Variants in CDH13 observed in about 807,000 individuals in gnomAD.
The protein encoded by CDH13 is cadherin-13.
CDH13 carries 24 observed loss-of-function variants against 63.8 expected under a neutral mutation model. The observed-to-expected ratio is 0.38, with a 90% confidence interval of 0.27 to 0.53. CDH13 has a LOEUF of 0.53. Among genes scored for constraint, CDH13 ranks in the 20% least tolerant of loss-of-function variants. The pLI is 0.85. For synonymous variants in CDH13, 503 were observed against 355.3 expected, an observed-to-expected ratio of 1.42 and a Z score of -4.67; for missense variants, 1,049 against 903.1, an observed-to-expected ratio of 1.16 and a Z score of -2.07.
At chr16:83,330,809 C>T (rs1453435433) in intron 5 of CDH13, among the ~76,000 whole-genome samples, 1 of 152,176 alleles carries the variant, frequency 6.6e-6, no homozygotes, top group East Asian at 1.9e-4. Flanking sequence ...GAGCCCTATG[C>T]TTCCTCTTAA....
intron 1 of CDH13, among the ~76,000 whole-genome samples, chr16:82,830,730 A>G (rs2038498488): frequency 6.6e-6 from 1 of 152,226 alleles, no homozygotes; most frequent in South Asian, 2.1e-4. Flanking sequence ...TGTTTGTTGA[A>G]TAGACCAATA....
rs574023921 is a variant in CDH13 at position 82,691,452 on chromosome 16, C to T, written c.45+64315C>T. 6.6e-5 allele frequency among the ~76,000 whole-genome samples: 10 copies of T among 152,258 alleles called. No individual in the cohort carries two copies. The South Asian group carries it at 1.0e-3, about 16-fold the overall frequency. ...GAATGGGTGTCCCAGCCTCCCTGCCCTTTGGTGGGACAATTCTGAGGCCTG... is the reference window on the plus strand; with the variant it reads ...GAATGGGTGTCCCAGCCTCCCTGCCTTTTGGTGGGACAATTCTGAGGCCTG... On this transcript the variant is annotated intron_variant, in intron 1 of 13. Coordinates refer to ENST00000567109, the MANE Select transcript of CDH13 (RefSeq NM_001257.5).
intron 5 of CDH13, among the ~76,000 whole-genome samples, chr16:83,320,145 T>A (rs1277388159): frequency 1.3e-5 from 2 of 152,004 alleles, no homozygotes; most frequent in African/African-American, 4.8e-5. Flanking sequence ...GCTCAAGTGA[T>A]CCTTGCATCT....
chr16:83,227,518 C>T (rs1285927118), intron 5 of CDH13, among the ~76,000 whole-genome samples: 1 of 152,138 alleles, frequency 6.6e-6, no homozygotes, highest in Non-Finnish European at 1.5e-5. Context: ...TGTCCCATGT[C>T]GTCATGCAAT....
intron 6 of CDH13, among the ~76,000 whole-genome samples, chr16:83,464,962 T>C (rs1166426362): frequency 2.0e-5 from 3 of 152,180 alleles, no homozygotes; most frequent in African/African-American, 7.2e-5. Flanking sequence ...GCAAGGGCCA[T>C]TGCAGGATAT....
At position 82,817,462 on chromosome 16, in the gene CDH13, C is replaced by G. The variant is rs575775277; in HGVS notation, c.46-40900C>G. 5.3e-5 allele frequency among the ~76,000 whole-genome samples: 8 copies of G among 152,266 alleles called. No individual in the cohort carries two copies. In the East Asian group the frequency reaches 1.5e-3, roughly 29 times the overall value. On this transcript the variant is annotated intron_variant, in intron 1 of 13. Transcript: ENST00000567109. Reference sequence around the variant, plus strand: ...AAATATAACAGTGACAAAATACTCTCATACACACAGAAATATATAGTTACA... The same window carrying G: ...AAATATAACAGTGACAAAATACTCTGATACACACAGAAATATATAGTTACA...
At chr16:83,221,849 G>T (rs2039710569) in intron 5 of CDH13, among the ~76,000 whole-genome samples, 1 of 151,998 alleles carries the variant, frequency 6.6e-6, no homozygotes, top group Non-Finnish European at 1.5e-5. Context: ...GGAAGAAGAG[G>T]CAAAACTAAC....
At chr16:83,682,424 G>C (rs1203048546) in intron 10 of CDH13, among the ~76,000 whole-genome samples, 1 of 152,112 alleles carries the variant, frequency 6.6e-6, no homozygotes, top group African/African-American at 2.4e-5. Context: ...TCTCCACCCA[G>C]GGCTGTGTTT....
chr16:83,243,590 G>C (rs1322246321), intron 5 of CDH13, among the ~76,000 whole-genome samples: 5 of 152,160 alleles, frequency 3.3e-5, no homozygotes, highest in African/African-American at 1.2e-4. Context: ...TGTACAGGGG[G>C]CTGGGAGATT....
At chr16:83,628,830 A>G (rs571713495) in intron 8 of CDH13, among the ~76,000 whole-genome samples, 7 of 152,228 alleles carry the variant, frequency 4.6e-5, no homozygotes, top group Non-Finnish European at 8.8e-5. Context: ...AAATTGCTCA[A>G]TCTGTCTAAA....
At chr16:82,963,183 C>T (rs1316432576) in intron 2 of CDH13, among the ~76,000 whole-genome samples, 2 of 147,220 alleles carry the variant, frequency 1.4e-5, no homozygotes, top group African/African-American at 5.1e-5. Flanking sequence ...CCAGCCTGGC[C>T]AACATGGTGA....
intron 6 of CDH13, among the ~76,000 whole-genome samples, chr16:83,368,317 G>A (rs2091292654): frequency 6.6e-6 from 1 of 152,116 alleles, no homozygotes; most frequent in Admixed American, 6.5e-5. Flanking sequence ...AGGTAGCATT[G>A]TTCCAAATCC....
intron 2 of CDH13, among the ~76,000 whole-genome samples, chr16:82,964,627 A>G (rs13332108): frequency 7.9e-4 from 121 of 152,368 alleles, no homozygotes; most frequent in African/African-American, 2.7e-3. Context: ...AAACCAACTT[A>G]TAACACTTCT....
chr16:83,067,022 A>G (rs971116873), intron 3 of CDH13, among the ~76,000 whole-genome samples: 22 of 152,284 alleles, frequency 1.4e-4, no homozygotes, highest in African/African-American at 3.1e-4. Flanking sequence ...TCCAGGAGGC[A>G]TCTTATTTTC....
At chr16:83,228,016 A>G (rs2039893457) in intron 5 of CDH13, among the ~76,000 whole-genome samples, 1 of 152,088 alleles carries the variant, frequency 6.6e-6, no homozygotes, top group South Asian at 2.1e-4. Context: ...CCGATAAAAG[A>G]TATAGGGTGG....
intron 4 of CDH13, among the ~76,000 whole-genome samples, chr16:83,139,376 A>G (rs72800214): frequency 0.16 from 24,675 of 152,182 alleles, 2,149 homozygotes; most frequent in South Asian, 0.23. Context: ...GAAATGTGTA[A>G]CAGCTGTGTT....
rs570799110 is a variant in CDH13, at chr16:83,687,040, T to C, written c.1538+8579T>C. Among the ~76,000 whole-genome samples, 5 of 152,216 alleles carry C rather than the reference T, an allele frequency of 3.3e-5. No individual in the cohort carries two copies. The East Asian group carries it at 9.7e-4, about 29-fold the overall frequency. On this transcript the variant is annotated intron_variant, in intron 10 of 13. Transcript: ENST00000567109. ...GCCTGACCAACATGGTGAAACCCCA[T>C]CTGTACTAAAAATACAAAAAAAGTT...
intron 6 of CDH13, among the ~76,000 whole-genome samples, chr16:83,388,617 G>C (rs1185946634): frequency 9.2e-5 from 14 of 152,166 alleles, no homozygotes; most frequent in Admixed American, 9.2e-4. Flanking sequence ...CCATGATGCT[G>C]ATTTACCAAT....
chr16:83,246,513 A>C (rs994141889), intron 5 of CDH13, among the ~76,000 whole-genome samples: 1 of 151,988 alleles, frequency 6.6e-6, no homozygotes, highest in African/African-American at 2.4e-5. Context: ...CCTCTTCTCT[A>C]TACTTTTCCA....
Sources: allele counts gnomAD v4.1 joint callset (sites outside exome capture counted in the v4.1 genomes callset), GRCh38; gene constraint gnomAD v4.1.1; transcripts MANE v1.5; gene names NCBI Gene and HGNC (gene_info 2026-07-23, HGNC 2026-07-21).